Variants in STK32B observed in about 807,000 individuals in gnomAD.
STK32B encodes serine/threonine-protein kinase 32B.
STK32B carries 43 observed loss-of-function variants against 52.6 expected under a neutral mutation model. The observed-to-expected ratio is 0.82, with a 90% CI of 0.64 to 1.05. The LOEUF (loss-of-function observed/expected upper bound fraction) is 1.05. STK32B is among the 50% of genes least tolerant of loss of function. The pLI, the probability that STK32B is intolerant of heterozygous loss-of-function variation, is 0.00. For synonymous variants in STK32B, 238 were observed against 204.3 expected (o/e 1.17, Z -1.41); for missense variants, 621 against 534.6 (o/e 1.16, Z -1.59).
At chr4:5,344,878 A>T (rs1303200562) in intron 4 of STK32B, among the ~76,000 whole-genome samples, 5 of 152,028 alleles carry the variant, frequency 3.3e-5, no homozygotes, top group African/African-American at 1.2e-4. Flanking sequence ...CTCAAGCCCA[A>T]AAGTTCAAGA....
chr4:5,069,435 T>C (rs1162468412), intron 1 of STK32B, among the ~76,000 whole-genome samples: 1 of 152,172 alleles, frequency 6.6e-6, no homozygotes, highest in Non-Finnish European at 1.5e-5. Context: ...CTTGTGCTTA[T>C]GTATATCTGA....
intron 1 of STK32B, among the ~76,000 whole-genome samples, chr4:5,053,438 T>C (rs924443287): frequency 2.0e-5 from 3 of 152,176 alleles, no homozygotes; most frequent in African/African-American, 7.2e-5. Context: ...TTGCACGGGC[T>C]TGTGGTTCTA....
chr4:5,332,658 C>A (rs956459871), intron 4 of STK32B, among the ~76,000 whole-genome samples: 6 of 152,114 alleles, frequency 3.9e-5, no homozygotes, highest in African/African-American at 7.2e-5. Flanking sequence ...GCCTCCACCC[C>A]ACAACAGTCC....
intron 4 of STK32B, among the ~76,000 whole-genome samples, chr4:5,336,399 G>C: frequency 6.6e-6 from 1 of 152,084 alleles, no homozygotes; most frequent in African/African-American, 2.4e-5. Flanking sequence ...CAGACATCCA[G>C]GGAAATCTTC....
chr4:5,163,969 A>T (rs1385669944), intron 2 of STK32B, among the ~76,000 whole-genome samples: 1 of 151,294 alleles, frequency 6.6e-6, no homozygotes, highest in Non-Finnish European at 1.5e-5. Context: ...GGCTCTTCCC[A>T]CTCTGTCCCA....
At chr4:5,120,673 A>G (rs1469335428) in intron 1 of STK32B, among the ~76,000 whole-genome samples, 1 of 152,142 alleles carries the variant, frequency 6.6e-6, no homozygotes, top group Non-Finnish European at 1.5e-5. Context: ...TAGAGATGAT[A>G]TGTGTAGTCA....
At chr4:5,112,680 G>A (rs983725606) in intron 1 of STK32B, among the ~76,000 whole-genome samples, 3 of 152,254 alleles carry the variant, frequency 2.0e-5, no homozygotes, top group South Asian at 2.1e-4. Flanking sequence ...ACCCCATGTC[G>A]CAGTCAAATG....
At chr4:5,498,471 C>T (rs1266700463) in intron 11 of STK32B, among the ~76,000 whole-genome samples, 1 of 152,156 alleles carries the variant, frequency 6.6e-6, no homozygotes, top group Non-Finnish European at 1.5e-5. Flanking sequence ...TCCTTGAGGA[C>T]AAAGAATATG....
intron 1 of STK32B, among the ~76,000 whole-genome samples, chr4:5,118,539 G>A (rs1267646434): frequency 6.6e-6 from 1 of 152,150 alleles, no homozygotes; most frequent in African/African-American, 2.4e-5. Flanking sequence ...TCTCCTTCTA[G>A]GTCTTGTTTC....
At chr4:5,397,789 C>A (rs112369947) in intron 4 of STK32B, among the ~76,000 whole-genome samples, 1 of 152,242 alleles carries the variant, frequency 6.6e-6, no homozygotes, top group Non-Finnish European at 1.5e-5. Context: ...CTGACCATGA[C>A]AACTTCCAAA....
At chr4:5,159,935 G>A (rs1001201284) in intron 2 of STK32B, among the ~76,000 whole-genome samples, 11 of 151,856 alleles carry the variant, frequency 7.2e-5, no homozygotes, top group African/African-American at 2.7e-4. Context: ...AGTCTGAAGG[G>A]CGTCTGCCGC....
chr4:5,104,646 T>A (rs2108797337), intron 1 of STK32B, among the ~76,000 whole-genome samples: 1 of 152,328 alleles, frequency 6.6e-6, no homozygotes, highest in African/African-American at 2.4e-5. Context: ...GTACAGAACA[T>A]TAACAGTATA....
At chr4:5,137,471 C>G (rs372606536) in intron 1 of STK32B, among the ~76,000 whole-genome samples, 42 of 152,294 alleles carry the variant, frequency 2.8e-4, no homozygotes, top group African/African-American at 9.9e-4. Context: ...GTAAGGTATC[C>G]CAACTGGAAG....
chr4:5,189,013 T>G (rs1720969096), intron 3 of STK32B, among the ~76,000 whole-genome samples: 1 of 148,728 alleles, frequency 6.7e-6, no homozygotes. Context: ...AAGGTATAAT[T>G]TAAAAAAAAA....
Position 5,294,930 on chromosome 4 carries a change from A to G in STK32B, c.261-36290A>G, listed in dbSNP as rs192622652. On this transcript the variant is annotated intron_variant, in intron 3 of 11. Transcript: ENST00000282908. Reference sequence around the variant, plus strand: ...GGGTTTGTCATAAATACCTCTCATTATTTTGAGATAGGTTCCATCAATGCC... The same window carrying G: ...GGGTTTGTCATAAATACCTCTCATTGTTTTGAGATAGGTTCCATCAATGCC... Among the ~76,000 whole-genome samples the G allele has an allele frequency of 3.4e-3, 517 of 152,148 alleles. 6 individuals are homozygous for G. The highest frequency in any genetic ancestry group is 5.7e-3 in the Non-Finnish European group (385 of 67,988).
chr4:5,136,649 C>T (rs1039934559), intron 1 of STK32B, among the ~76,000 whole-genome samples: 4 of 152,210 alleles, frequency 2.6e-5, no homozygotes, highest in Non-Finnish European at 1.5e-5. Flanking sequence ...TCTCACACCC[C>T]CCAGCCAATT....
At chr4:5,495,086 G>T in intron 11 of STK32B, among the ~76,000 whole-genome samples, 1 of 152,044 alleles carries the variant, frequency 6.6e-6, no homozygotes, top group Non-Finnish European at 1.5e-5. Flanking sequence ...GTATCTTTGT[G>T]GCATTCTCTG....
At chr4:5,129,188 C>T (rs906613539) in intron 1 of STK32B, among the ~76,000 whole-genome samples, 1 of 152,210 alleles carries the variant, frequency 6.6e-6, no homozygotes, top group African/African-American at 2.4e-5. Flanking sequence ...CCAATCCACT[C>T]AGGAATTTAC....
chr4:5,320,140 G>A (rs1191784160), intron 3 of STK32B, among the ~76,000 whole-genome samples: 1 of 151,898 alleles, frequency 6.6e-6, no homozygotes, highest in Non-Finnish European at 1.5e-5. Context: ...TTTTTTGATA[G>A]GTCCCTCCCC....
Sources: allele counts gnomAD v4.1 joint callset (sites outside exome capture counted in the v4.1 genomes callset), GRCh38; gene constraint gnomAD v4.1.1; transcripts MANE v1.5; gene names NCBI Gene and HGNC (gene_info 2026-07-23, HGNC 2026-07-21).